Variants in PLCH1 observed in about 807,000 individuals in gnomAD.
PLCH1 encodes phospholipase C eta 1, also known as 1-phosphatidylinositol 4,5-bisphosphate phosphodiesterase eta-1.
A neutral mutation model predicts 126.7 loss-of-function variants in PLCH1; 60 were observed. That is an observed-to-expected ratio of 0.47 (90% CI 0.38 to 0.59). PLCH1 has a LOEUF of 0.59. Ranked by LOEUF, PLCH1 falls within the 20% of genes least tolerant of loss-of-function variation. The pLI, the probability that PLCH1 is intolerant of heterozygous loss-of-function variation, is 0.00. For synonymous variants in PLCH1, 719 were observed against 734.9 expected, an observed-to-expected ratio of 0.98 and a Z score of 0.35; for missense variants, 1,723 against 2,040.0, an observed-to-expected ratio of 0.84 and a Z score of 2.99.
At chr3:155,676,449 A>G in intron 2 of PLCH1, 1 of 975,392 alleles carries the variant, frequency 1.0e-6, no homozygotes, top group South Asian at 4.8e-5. Flanking sequence ...GTAGGTCTTT[A>G]TCCATCAAAG....
In PLCH1 at chr3:155,545,703, CT is replaced by C. The variant is rs1374641572; in HGVS notation, c.1362+4083del. On this transcript the variant is annotated intron_variant, in intron 10 of 22. Transcript: ENST00000460012. ...AGCTTATCCACCATGATCAAGTGGG[CT>C]TCATCCCTGGGATGCAAGGCTGGTT... is the stretch of plus-strand genomic sequence containing the variant. Among the ~76,000 whole-genome samples the C allele has an allele frequency of 7.6e-4, 115 of 151,486 alleles. No homozygotes were observed. In the East Asian group the frequency reaches 0.013, roughly 17 times the overall value.
intron 1 of PLCH1, among the ~76,000 whole-genome samples, chr3:155,720,383 TA>T (rs1404049324): frequency 1.7e-5 from 2 of 120,152 alleles, no homozygotes; most frequent in Non-Finnish European, 3.4e-5. Flanking sequence ...TGACATCTAT[TA>T]TTTTTTTATT....
intron 21 of PLCH1, 71 bp downstream of exon 21, chr3:155,487,957 T>C (rs1294449897): frequency 1.0e-6 from 1 of 976,988 alleles, no homozygotes; most frequent in Non-Finnish European, 1.6e-6. Context: ...ATTCCTATTA[T>C]GCAATTAATC....
intron 2 of PLCH1, among the ~76,000 whole-genome samples, chr3:155,606,186 C>A (rs1485772554): frequency 6.6e-6 from 1 of 151,918 alleles, no homozygotes; most frequent in African/African-American, 2.4e-5. Flanking sequence ...AAAAAGTTTT[C>A]TTCTCAGTCC....
intron 12 of PLCH1, among the ~76,000 whole-genome samples, chr3:155,506,251 GC>G (rs1718667462): frequency 1.3e-5 from 2 of 151,726 alleles, no homozygotes; most frequent in South Asian, 4.2e-4. Context: ...AAGTTACAAA[GC>G]TTGTTGGTGA....
rs11922468 is a variant in PLCH1 at position 155,743,183 on chromosome 3, G to A, written c.-41+1657C>T. ...AATGCTAGGCTGTATGTAAACAAAC[G>A]GATTTTAAAAGAGGGGATAGGGCTG... On this transcript the variant is annotated intron_variant, in intron 1 of 22. Transcript: ENST00000460012. 7.3e-3 allele frequency: 3,163 copies of A among 432,520 alleles called. 91 individuals carry two copies. Among genetic ancestry groups the A allele is most frequent in the African/African-American group, 0.059 (2,886 of 49,114 alleles). 26.8% of individuals were successfully genotyped at this position (432,520 alleles called of 1,614,324 possible). A position where few individuals can be genotyped will look rare whatever the true frequency, so the allele number is the denominator to read the frequency against.
chr3:155,692,204 A>G (rs150866932), intron 2 of PLCH1, among the ~76,000 whole-genome samples: 230 of 152,330 alleles, frequency 1.5e-3, no homozygotes, highest in Non-Finnish European at 2.8e-3. Context: ...AAATAACCAT[A>G]TGAAGGTCAG....
chr3:155,715,554 C>T (rs1383640487), intron 1 of PLCH1, among the ~76,000 whole-genome samples: 1 of 151,910 alleles, frequency 6.6e-6, no homozygotes, highest in African/African-American at 2.4e-5. Context: ...ATCTGCCTGC[C>T]TCAGCCTCCC....
intron 2 of PLCH1, among the ~76,000 whole-genome samples, chr3:155,630,081 C>T (rs1334713123): frequency 6.6e-6 from 1 of 152,148 alleles, no homozygotes; most frequent in East Asian, 1.9e-4. Context: ...TTTTATCATC[C>T]CATGATTTTC....
rs533161161 is a variant in PLCH1 at position 155,554,297 on chromosome 3, T to C, written c.1070-101A>G. The C allele has an allele frequency of 9.8e-6, 11 of 1,122,186 alleles. No homozygotes were observed. The East Asian group carries it at 2.2e-4, about 23-fold the overall frequency. 69.5% of individuals were successfully genotyped at this position (1,122,186 alleles called of 1,614,324 possible). A position where few individuals can be genotyped will look rare whatever the true frequency, so the allele number is the denominator to read the frequency against. On this transcript the variant is annotated intron_variant, in intron 8 of 22. Transcript: ENST00000460012. ...ATATTAAGTCCATTATCTGAAATTATACCCATTTCAATCCTGACAAAGACG... is the reference window on the plus strand; with the variant it reads ...ATATTAAGTCCATTATCTGAAATTACACCCATTTCAATCCTGACAAAGACG...
intron 2 of PLCH1, among the ~76,000 whole-genome samples, chr3:155,622,179 A>G (rs1317647906): frequency 6.6e-6 from 1 of 152,222 alleles, no homozygotes; most frequent in Non-Finnish European, 1.5e-5. Context: ...TAAGCAAAAG[A>G]GAAATAAAAT....
chr3:155,501,551 G>A (rs200072180), intron 13 of PLCH1, among the ~76,000 whole-genome samples: 1 of 152,164 alleles, frequency 6.6e-6, no homozygotes. Context: ...CCAGCACTTT[G>A]GGGGGCTGAG....
intron 21 of PLCH1, among the ~76,000 whole-genome samples, chr3:155,464,066 A>G (rs1712837146): frequency 1.3e-5 from 2 of 152,198 alleles, no homozygotes; most frequent in South Asian, 4.1e-4. Flanking sequence ...GATCCCTACA[A>G]TGAAGTGGAA....
At chr3:155,625,797 C>G (rs1366688280) in intron 2 of PLCH1, among the ~76,000 whole-genome samples, 2 of 152,174 alleles carry the variant, frequency 1.3e-5, no homozygotes, top group African/African-American at 4.8e-5. Context: ...TAAATTGGTT[C>G]AACCATTGTG....
At chr3:155,623,043 C>G (rs1258847707) in intron 2 of PLCH1, among the ~76,000 whole-genome samples, 1 of 152,098 alleles carries the variant, frequency 6.6e-6, no homozygotes, top group Non-Finnish European at 1.5e-5. Context: ...TGCAAAAGAA[C>G]AGAAATCAAA....
chr3:155,627,458 G>A (rs1022183747), intron 2 of PLCH1, among the ~76,000 whole-genome samples: 7 of 135,056 alleles, frequency 5.2e-5, no homozygotes, highest in African/African-American at 1.9e-4. Context: ...GTGAAACCCC[G>A]TCTCTACCAA....
At chr3:155,635,390 G>A (rs1738600873) in intron 2 of PLCH1, among the ~76,000 whole-genome samples, 1 of 152,176 alleles carries the variant, frequency 6.6e-6, no homozygotes, top group South Asian at 2.1e-4. Context: ...AAAAGACTGT[G>A]CAACCCCTCA....
At chr3:155,744,642 T>C (rs1303465221) in intron 1 of PLCH1, among the ~76,000 whole-genome samples, 198 bp downstream of exon 1, 1 of 152,090 alleles carries the variant, frequency 6.6e-6, no homozygotes, top group African/African-American at 2.4e-5. Context: ...AGAGCGGCCG[T>C]GGCCAGTTCC....
chr3:155,475,075 T>TA (rs56659245), downstream of PLCH1, among the ~76,000 whole-genome samples: 354 of 139,122 alleles, frequency 2.5e-3, 1 homozygote, highest in East Asian at 6.4e-3. Context: ...CTTAAAGTAT[T>TA]AAAAAAAAAA....
Sources: allele counts gnomAD v4.1 joint callset (sites outside exome capture counted in the v4.1 genomes callset), GRCh38; gene constraint gnomAD v4.1.1; transcripts MANE v1.5; gene names NCBI Gene and HGNC (gene_info 2026-07-23, HGNC 2026-07-21).